The following LGSN variants were observed in gnomAD, a reference collection of about 807,000 sequenced individuals.
LGSN encodes lengsin.
Under a neutral mutation model 19.5 loss-of-function variants are expected in LGSN, and 21 were observed. The ratio of observed to expected loss-of-function variants is 1.07; its 90% confidence interval spans 0.76 to 1.55. The LOEUF (loss-of-function observed/expected upper bound fraction) is 1.55. Ranked by LOEUF, LGSN falls within the 40% of genes most tolerant of loss-of-function variation. The pLI, the probability that LGSN is intolerant of heterozygous loss-of-function variation, is 0.00. For missense variants in LGSN, 673 were observed against 608.5 expected (o/e 1.11, Z -1.12); for synonymous variants, 257 against 215.6 (o/e 1.19, Z -1.68).
At chr6:63,395,262 A>C in the LGSN span, 1 of 152,234 alleles carries the variant, frequency 6.6e-6, no homozygotes, top group Non-Finnish European at 1.5e-5. Flanking sequence ...TAAAATTAAT[A>C]GTGAAGTATA....
At chr6:63,358,819 T>A in the LGSN span, among the ~76,000 whole-genome samples, 1 of 152,184 alleles carries the variant, frequency 6.6e-6, no homozygotes, top group African/African-American at 2.4e-5. Flanking sequence ...TTGAATACCC[T>A]TTATTTTTTT....
chr6:63,305,785 G>A (rs754022937), intron 1 of LGSN, among the ~76,000 whole-genome samples: 1 of 152,048 alleles, frequency 6.6e-6, no homozygotes, highest in Admixed American at 6.6e-5. Context: ...ATCCAGCCAG[G>A]TGGGGTGGCT....
the LGSN span, among the ~76,000 whole-genome samples, chr6:63,477,687 C>CTTTTTTTTTT: frequency 0.022 from 1,317 of 61,204 alleles, 55 homozygotes; most frequent in Non-Finnish European, 0.024. Flanking sequence ...TTCTTTTTTT[C>CTTTTTTTTTT]TTTTTTTTTT....
the LGSN span, among the ~76,000 whole-genome samples, chr6:63,490,868 A>G: frequency 3.3e-5 from 5 of 152,318 alleles, no homozygotes; most frequent in African/African-American, 1.2e-4. Context: ...AGCCAATGGT[A>G]TAAGTCCCAG....
chr6:63,430,527 T>G, the LGSN span, among the ~76,000 whole-genome samples: 1 of 152,088 alleles, frequency 6.6e-6, no homozygotes, highest in African/African-American at 2.4e-5. Flanking sequence ...TGGCTGGGAT[T>G]ACAGGCATGC....
At chr6:63,428,497 G>A in the LGSN span, among the ~76,000 whole-genome samples, 166 of 152,068 alleles carry the variant, frequency 1.1e-3, 2 homozygotes, top group East Asian at 5.8e-4. Context: ...GACTACAGAC[G>A]TGCACCACCA....
intron 3 of LGSN, among the ~76,000 whole-genome samples, chr6:63,283,618 CTTT>C (rs34439463): frequency 5.7e-5 from 8 of 139,460 alleles, no homozygotes; most frequent in Non-Finnish European, 4.6e-5. Context: ...ACAAATGAAT[CTTT>C]TTTTTTTTTT....
At chr6:63,384,671 C>T in the LGSN span, among the ~76,000 whole-genome samples, 3 of 152,144 alleles carry the variant, frequency 2.0e-5, no homozygotes, top group African/African-American at 7.2e-5. Flanking sequence ...GTATGCACTA[C>T]TACACATGGC....
At chr6:63,301,019 G>A (rs529566103) in intron 1 of LGSN, among the ~76,000 whole-genome samples, 45 of 152,164 alleles carry the variant, frequency 3.0e-4, no homozygotes, top group African/African-American at 9.9e-4. Context: ...AGCTGGCCAC[G>A]ATGTCTCATG....
the LGSN span, among the ~76,000 whole-genome samples, chr6:63,500,853 G>C: frequency 6.6e-6 from 1 of 151,848 alleles, no homozygotes; most frequent in Non-Finnish European, 1.5e-5. Flanking sequence ...TTAGCCTATT[G>C]AGTAACTGGG....
the LGSN span, among the ~76,000 whole-genome samples, chr6:63,484,540 A>T: frequency 6.6e-6 from 1 of 152,158 alleles, no homozygotes; most frequent in African/African-American, 2.4e-5. Flanking sequence ...AAAGAAAAAA[A>T]ATCCCAGAAG....
At chr6:63,291,043 C>A (rs1292394943) in intron 2 of LGSN, among the ~76,000 whole-genome samples, 2 of 152,140 alleles carry the variant, frequency 1.3e-5, no homozygotes, top group Non-Finnish European at 2.9e-5. Context: ...TTATGAGAGA[C>A]GGTGTGGTAG....
At chr6:63,390,170 C>CCCAGGCT in the LGSN span, among the ~76,000 whole-genome samples, 1 of 130,440 alleles carries the variant, frequency 7.7e-6, no homozygotes, top group African/African-American at 3.0e-5. Flanking sequence ...CGCTCTGTCA[C>CCCAGGCT]CCAGGCTGGA....
chr6:63,374,456 T>C, the LGSN span, among the ~76,000 whole-genome samples: 2 of 152,226 alleles, frequency 1.3e-5, no homozygotes, highest in African/African-American at 4.8e-5. Flanking sequence ...AATTCTAAGA[T>C]GTCATTGATT....
chr6:63,461,415 C>T, the LGSN span, among the ~76,000 whole-genome samples: 2 of 152,300 alleles, frequency 1.3e-5, no homozygotes, highest in South Asian at 4.1e-4. Context: ...GAGATTTAGT[C>T]CTGAATCCAA....
chr6:63,325,759 C>A, the LGSN span, among the ~76,000 whole-genome samples: 1 of 152,086 alleles, frequency 6.6e-6, no homozygotes, highest in Non-Finnish European at 1.5e-5. Context: ...TTCGTGGTCT[C>A]GCTGGCTTCA....
At chr6:63,401,118 T>C in the LGSN span, among the ~76,000 whole-genome samples, 22 of 152,270 alleles carry the variant, frequency 1.4e-4, no homozygotes, top group Admixed American at 5.9e-4. Flanking sequence ...ATGTCCTTCT[T>C]ATGCACAGGG....
At chr6:63,447,381 G>C in the LGSN span, among the ~76,000 whole-genome samples, 2 of 152,158 alleles carry the variant, frequency 1.3e-5, no homozygotes, top group Non-Finnish European at 2.9e-5. Context: ...TGCCAAATAA[G>C]CAGTGTTGCT....
upstream of LGSN, among the ~76,000 whole-genome samples, chr6:63,322,673 C>T (rs1769112110): frequency 6.6e-6 from 1 of 152,094 alleles, no homozygotes; most frequent in Non-Finnish European, 1.5e-5. Context: ...CACAAAGGCC[C>T]CCAAAAGTTC....
Sources: gnomAD v4.1 joint callset for allele counts (sites outside exome capture counted in the v4.1 genomes callset) on GRCh38, gnomAD v4.1.1 for gene constraint, MANE v1.5 for transcripts, NCBI Gene and HGNC (gene_info 2026-07-23, HGNC 2026-07-21) for gene names.